Variants in COL6A6 observed in about 807,000 individuals in gnomAD.
COL6A6 encodes collagen alpha-6(VI) chain.
COL6A6 carries 183 observed loss-of-function variants against 208.6 expected under a neutral mutation model. That is an observed-to-expected ratio of 0.88 (90% confidence interval 0.78 to 0.99). The LOEUF (loss-of-function observed/expected upper bound fraction) is 0.99. Ranked by LOEUF, COL6A6 falls within the 50% of genes least tolerant of loss-of-function variation. The pLI is 0.00. For synonymous variants in COL6A6, 973 were observed against 1,011.8 expected, an observed-to-expected ratio of 0.96 and a Z score of 0.73; for missense variants, 2,816 against 2,815.2, an observed-to-expected ratio of 1.00 and a Z score of -0.01.
rs574214457 is a variant in COL6A6, at chr3:130,571,832, G to C, written c.2977+439G>C. 1.8e-4 allele frequency among the ~76,000 whole-genome samples: 26 copies of C among 144,332 alleles called. No individual in the cohort carries two copies. The East Asian group carries it at 5.3e-3, about 29-fold the overall frequency. The allele number at this position is 144,332 out of a possible 152,430, so 94.7% of individuals were successfully genotyped here. On this transcript the variant is annotated intron_variant, in intron 7 of 36. Transcript: ENST00000358511. ...CTGGGACTACAGATGTGTGGCATGA[G>C]GCATGGCTAATTTTTTTTTTTTTTT...
intron 19 of COL6A6, 80 bp from the exon 20 acceptor site, chr3:130,599,677 T>C: frequency 1.4e-6 from 2 of 1,433,656 alleles, no homozygotes. Context: ...CTATCCTCCC[T>C]GGAGTAAAAG....
At chr3:130,618,367 C>A (rs2064600337) in intron 23 of COL6A6, among the ~76,000 whole-genome samples, 1 of 152,174 alleles carries the variant, frequency 6.6e-6, no homozygotes, top group South Asian at 2.1e-4. Context: ...GACTATTTAC[C>A]ACTCAGCACA....
intron 1 of COL6A6, among the ~76,000 whole-genome samples, chr3:130,532,508 T>C (rs529728350): frequency 6.6e-6 from 1 of 152,286 alleles, no homozygotes; most frequent in East Asian, 1.9e-4. Context: ...CAGGGGCTGG[T>C]ACACTGACCA....
chr3:130,573,882 A>G (rs2063227127), intron 7 of COL6A6, 74 bp from the exon 8 acceptor site: 4 of 1,151,572 alleles, frequency 3.5e-6, no homozygotes, highest in Middle Eastern at 5.4e-4. Context: ...AGCTGCAAAC[A>G]TTGAATTTAC....
chr3:130,545,452 ATTT>A (rs58217937), intron 1 of COL6A6, among the ~76,000 whole-genome samples: 1,485 of 134,484 alleles, frequency 0.011, 11 homozygotes, highest in African/African-American at 0.028. Flanking sequence ...GCTTTCAGGC[ATTT>A]TTTTTTTTTT....
At chr3:130,650,854 T>C (rs1311294602) in intron 33 of COL6A6, among the ~76,000 whole-genome samples, 1 of 152,196 alleles carries the variant, frequency 6.6e-6, no homozygotes, top group East Asian at 1.9e-4. Flanking sequence ...ATGCCAGTAG[T>C]CAAGATGTTA....
At position 130,676,407 on chromosome 3, in the gene COL6A6, A is replaced by T. The variant is rs1469522800; in HGVS notation, c.*1010A>T. 2 of 152,242 alleles carry T rather than the reference A, an allele frequency of 1.3e-5. No individual in the cohort carries two copies. Among genetic ancestry groups the T allele is most frequent in the Non-Finnish European group, 2.9e-5 (2 of 68,040 alleles). The allele number at this position is 152,242 out of a possible 1,614,324, so 9.4% of individuals were successfully genotyped here. A position where few individuals can be genotyped will look rare whatever the true frequency, so the allele number is the denominator to read the frequency against. ...TAAGTTAAAGTAGGAAAGGTTTTAT[A>T]AAAGTATTGATGGCTGTGTCCTCAT... On this transcript the variant is annotated 3_prime_UTR_variant, in exon 37 of 37. Coordinates refer to ENST00000358511, the MANE Select transcript of COL6A6 (RefSeq NM_001102608.3).
At chr3:130,622,811 C>T (rs903255138) in intron 24 of COL6A6, among the ~76,000 whole-genome samples, 8 of 151,854 alleles carry the variant, frequency 5.3e-5, no homozygotes, top group South Asian at 2.1e-4. Context: ...GAGCTGAGAT[C>T]GCACCACCGC....
At chr3:130,559,638 A>G (rs1188182594) in intron 1 of COL6A6, among the ~76,000 whole-genome samples, 1 of 152,228 alleles carries the variant, frequency 6.6e-6, no homozygotes, top group African/African-American at 2.4e-5. Context: ...TTTATTTTCA[A>G]TGCATTTAAT....
At position 130,662,083 on chromosome 3, in the gene COL6A6, A is replaced by G; in HGVS notation, c.6277A>G (p.Thr2093Ala). ...CATATTTGTGATATCTGCTGGGGAA[A>G]CCAGCCACTTAGATGGGGAAATCTT... is the stretch of plus-strand genomic sequence containing the variant. ...KVIFVISAGE[T>A]SHLDGEILKK... The change falls in exon 35 of 37, where the codon ACC becomes GCC. Residue 2093 changes from threonine (T) to alanine (A), a missense_variant. Thr to Ala is a moderately conservative substitution (Grantham distance 58, BLOSUM62 0). Coordinates refer to ENST00000358511, the MANE Select transcript of COL6A6 (RefSeq NM_001102608.3). 6.2e-7 allele frequency: 1 copy of G among 1,613,960 alleles called. No individual in the cohort carries two copies. The highest frequency in any genetic ancestry group is 8.5e-7 in the Non-Finnish European group (1 of 1,179,874).
Position 130,592,542 on chromosome 3 carries a change from G to A in COL6A6, c.4274G>A (p.Gly1425Glu), listed in dbSNP as rs369345663. ...EGYLGEEGIA[G>E]ERGAPGPVGE... ...ATTTGGATATGTGCCCTTTCTCAGG[G>A]AGAAAGAGGAGCCCCTGGACCAGTG... is the stretch of plus-strand genomic sequence containing the variant. Residue 1425 changes from glycine to glutamate, a missense_variant and splice_region_variant, in exon 14 of 37, where the codon GGA becomes GAA. Physicochemically the swap from Gly to Glu is moderately conservative, Grantham distance 98. Coordinates refer to ENST00000358511, the MANE Select transcript of COL6A6 (RefSeq NM_001102608.3). 5.1e-5 allele frequency: 82 copies of A among 1,598,026 alleles called. No homozygotes were observed. Among genetic ancestry groups the A allele is most frequent in the Non-Finnish European group, 6.7e-5 (78 of 1,170,776 alleles).
intron 2 of COL6A6, among the ~76,000 whole-genome samples, chr3:130,561,497 A>G (rs1308954099): frequency 6.6e-6 from 1 of 152,240 alleles, no homozygotes; most frequent in Non-Finnish European, 1.5e-5. Context: ...CAGGTCTGCC[A>G]AAGCTGGTTT....
At chr3:130,551,024 G>A (rs1049933864) in intron 1 of COL6A6, among the ~76,000 whole-genome samples, 6 of 152,154 alleles carry the variant, frequency 3.9e-5, no homozygotes, top group African/African-American at 9.7e-5. Context: ...TGATCATCAT[G>A]GTGGATTAGC....
intron 3 of COL6A6, among the ~76,000 whole-genome samples, chr3:130,564,760 T>G (rs2062975597): frequency 6.6e-6 from 1 of 152,210 alleles, no homozygotes; most frequent in Admixed American, 6.5e-5. Context: ...CCATAACAAC[T>G]CTATGAGATT....
At chr3:130,623,821 G>A (rs1010597102) in intron 24 of COL6A6, among the ~76,000 whole-genome samples, 1 of 152,110 alleles carries the variant, frequency 6.6e-6, no homozygotes, top group African/African-American at 2.4e-5. Flanking sequence ...TTTGTAAGAA[G>A]TCCAAGAGGA....
chr3:130,604,219 C>T (rs1368314885), intron 20 of COL6A6, among the ~76,000 whole-genome samples: 9 of 152,300 alleles, frequency 5.9e-5, no homozygotes, highest in South Asian at 2.1e-4. Flanking sequence ...CTGGGCCGGG[C>T]GTGGTGGCTC....
rs371256618 is a variant in COL6A6 at position 130,579,306 on chromosome 3, CTT to C, written c.3548-2252_3548-2251del. ...CTATAACTGTCTGATCCAATTCACT[CTT>C]TTCTGTGCTTTTGTATTTTTACTTG... On this transcript the variant is annotated intron_variant, in intron 8 of 36. Transcript: ENST00000358511. 8.9e-4 allele frequency among the ~76,000 whole-genome samples: 136 copies of C among 152,286 alleles called. No homozygotes were observed. In the East Asian group the frequency reaches 0.014, roughly 16 times the overall value.
At chr3:130,585,657 T>A (rs1577792316) in intron 10 of COL6A6, among the ~76,000 whole-genome samples, 2 of 152,164 alleles carry the variant, frequency 1.3e-5, no homozygotes, top group Non-Finnish European at 2.9e-5. Flanking sequence ...CCCCAAAGCC[T>A]CCGAGCCACA....
At chr3:130,608,291 T>A (rs901440722) in intron 21 of COL6A6, among the ~76,000 whole-genome samples, 11 of 152,148 alleles carry the variant, frequency 7.2e-5, no homozygotes, top group African/African-American at 1.7e-4. Context: ...TGTTAAAAAA[T>A]TTTTTTCTGA....
Sources: allele counts gnomAD v4.1 joint callset (sites outside exome capture counted in the v4.1 genomes callset), GRCh38; gene constraint gnomAD v4.1.1; transcripts MANE v1.5; gene names NCBI Gene and HGNC (gene_info 2026-07-23, HGNC 2026-07-21).